The following PARL variants were observed in gnomAD, a reference collection of about 807,000 sequenced individuals.
PARL encodes the protein presenilin associated rhomboid like, also known as presenilin-associated rhomboid-like protein, mitochondrial.
In PARL, 44 loss-of-function variants were observed where a neutral mutation model predicts 51.6. The observed-to-expected ratio is 0.85, with a 90% CI of 0.67 to 1.10. The LOEUF (loss-of-function observed/expected upper bound fraction) is 1.10, where lower values mean the gene tolerates loss of function less well. PARL is among the 50% of genes least tolerant of loss of function. The pLI is 0.00. For missense variants in PARL, 441 were observed against 469.5 expected (o/e 0.94, Z 0.56); for synonymous variants, 172 against 164.0 (o/e 1.05, Z -0.37).
Position 183,864,237 on chromosome 3 carries a change from T to C in PARL, c.463-1436A>G, listed in dbSNP as rs142359786. Among the ~76,000 whole-genome samples, 403 of 152,314 alleles carry C rather than the reference T, an allele frequency of 2.6e-3. 1 individual carries two copies. Among genetic ancestry groups the C allele is most frequent in the African/African-American group, 9.4e-3 (391 of 41,562 alleles). On this transcript the variant is annotated intron_variant, in intron 3 of 9. Transcript: ENST00000317096. ...GGAAAACAAGGAGGAATGAATCCCT[T>C]TCCCTACTTAGAGAAAACTCAAAAC...
chr3:183,828,971 A>G (rs1727617117), downstream of PARL, among the ~76,000 whole-genome samples: 1 of 152,216 alleles, frequency 6.6e-6, no homozygotes, highest in African/African-American at 2.4e-5. Flanking sequence ...TTCAAACAGA[A>G]GATAAAATTC....
intron 1 of PARL, among the ~76,000 whole-genome samples, 157 bp from the exon 2 acceptor site, chr3:183,868,217 C>T (rs3749446): frequency 0.7 from 106,546 of 152,030 alleles, 37,707 homozygotes; most frequent in East Asian, 0.88. Context: ...GAATTCAAAG[C>T]CACAAAATTC....
At chr3:183,837,257 A>T (rs1300169862) in intron 7 of PARL, among the ~76,000 whole-genome samples, 3 of 152,112 alleles carry the variant, frequency 2.0e-5, no homozygotes, top group Non-Finnish European at 4.4e-5. Flanking sequence ...AGATTCAATC[A>T]ATGTTGTGGT....
At chr3:183,868,520 C>T (rs111957333) in intron 1 of PARL, among the ~76,000 whole-genome samples, 1,699 of 152,262 alleles carry the variant, frequency 0.011, 41 homozygotes, top group African/African-American at 0.039. Context: ...AAGCGATCCT[C>T]CTGCCTCAGC....
downstream of PARL, chr3:183,826,731 T>C: frequency 4.1e-6 from 4 of 985,298 alleles, no homozygotes; most frequent in Non-Finnish European, 4.8e-6. Context: ...TAGAGGGAGA[T>C]CCTGGAAAAT....
intron 9 of PARL, among the ~76,000 whole-genome samples, chr3:183,831,836 TGAAAA>T (rs1727975498): frequency 6.6e-6 from 1 of 152,142 alleles, no homozygotes; most frequent in South Asian, 2.1e-4. Flanking sequence ...ATCTAGTAAA[TGAAAA>T]GGAGTTTAAA....
intron 4 of PARL, among the ~76,000 whole-genome samples, chr3:183,855,971 C>A (rs9840342): frequency 0.46 from 66,963 of 144,658 alleles, 15,492 homozygotes; most frequent in Middle Eastern, 0.57. Flanking sequence ...AATAAACAAA[C>A]AAAAAAAAAA....
At chr3:183,860,255 A>T (rs1577347509) in intron 4 of PARL, among the ~76,000 whole-genome samples, 1 of 152,214 alleles carries the variant, frequency 6.6e-6, no homozygotes, top group African/African-American at 2.4e-5. Context: ...AAGACAAGAC[A>T]TACTAAATAA....
intron 3 of PARL, among the ~76,000 whole-genome samples, chr3:183,863,366 GA>G (rs1468701007): frequency 6.6e-6 from 1 of 151,418 alleles, no homozygotes; most frequent in Non-Finnish European, 1.5e-5. Context: ...AAAGGGAAGG[GA>G]AAAAAAGGGA....
chr3:183,835,819 A>G (rs1728507902), intron 7 of PARL, among the ~76,000 whole-genome samples: 1 of 150,360 alleles, frequency 6.7e-6, no homozygotes, highest in Admixed American at 6.6e-5. Context: ...TGGGCGACAG[A>G]GTGACACTTT....
At chr3:183,861,793 G>GT (rs1251109502) in intron 4 of PARL, among the ~76,000 whole-genome samples, 7 of 151,924 alleles carry the variant, frequency 4.6e-5, no homozygotes, top group African/African-American at 1.4e-4. Flanking sequence ...AAATTTTTTT[G>GT]TTTTTGAGAG....
intron 1 of PARL, among the ~76,000 whole-genome samples, chr3:183,877,985 TTCA>T (rs1280677922): frequency 1.3e-5 from 2 of 152,036 alleles, no homozygotes; most frequent in African/African-American, 4.8e-5. Context: ...GAGATGGGGT[TTCA>T]TCATATTGGT....
rs1727664133 is a variant in PARL, at chr3:183,829,501, T to C, written c.*97A>G. 7 of 1,612,568 alleles carry C rather than the reference T, an allele frequency of 4.3e-6. No homozygotes were observed. The South Asian group carries it at 5.5e-5, about 13-fold the overall frequency. ...CAGTGGGAGGCCAGATGCTGGCATC[T>C]TCCAGACGGGAGCATAGCCATGGTC... On this transcript the variant is annotated 3_prime_UTR_variant, in exon 10 of 10. Transcript: ENST00000317096.
At chr3:183,880,915 A>G (rs532055395) in intron 1 of PARL, among the ~76,000 whole-genome samples, 86 of 152,132 alleles carry the variant, frequency 5.7e-4, no homozygotes, top group Non-Finnish European at 1.0e-3. Flanking sequence ...TTCCGGCCTC[A>G]AGCAATCCTC....
intron 1 of PARL, among the ~76,000 whole-genome samples, chr3:183,880,648 C>T (rs1734336832): frequency 6.6e-6 from 1 of 151,864 alleles, no homozygotes; most frequent in Non-Finnish European, 1.5e-5. Flanking sequence ...GTGATCCACC[C>T]ACCTCAGCCT....
At chr3:183,842,174 A>G in intron 6 of PARL, 124 bp downstream of exon 6, 1 of 995,078 alleles carries the variant, frequency 1.0e-6, no homozygotes, top group Non-Finnish European at 1.6e-6. Flanking sequence ...ATACACTGTG[A>G]GAAACAAATA....
Position 183,842,456 on chromosome 3 carries a change from G to A in PARL, c.608-9C>T. 1 of 1,610,876 alleles carries A rather than the reference G, an allele frequency of 6.2e-7. No homozygotes were observed. Among genetic ancestry groups the A allele is most frequent in the Non-Finnish European group, 8.5e-7 (1 of 1,177,510 alleles). ...TGGAGAACAAAGGACCTCTACAAGA[G>A]AGAGAAACATAGTCTGGTAATCATG... On this transcript the variant is annotated splice_polypyrimidine_tract_variant and intron_variant, in intron 5 of 9. Coordinates refer to ENST00000317096, the MANE Select transcript of PARL (RefSeq NM_018622.7).
At position 183,867,850 on chromosome 3, in the gene PARL, A is replaced by C; in HGVS notation, c.321+15T>G. 6.3e-7 allele frequency: 1 copy of C among 1,591,652 alleles called. No individual in the cohort carries two copies. The highest frequency in any genetic ancestry group is 8.6e-7 in the Non-Finnish European group (1 of 1,161,102). ...TCTAGCAAGGTAGGTAACTCCTAGCAAAGTGAGCTCTTACCCCAACAGTAA... is the reference window on the plus strand; with the variant it reads ...TCTAGCAAGGTAGGTAACTCCTAGCCAAGTGAGCTCTTACCCCAACAGTAA... On this transcript the variant is annotated intron_variant, in intron 2 of 9. Coordinates refer to ENST00000317096, the MANE Select transcript of PARL (RefSeq NM_018622.7).
chr3:183,878,336 G>A (rs866405950), intron 1 of PARL, among the ~76,000 whole-genome samples: 2 of 152,268 alleles, frequency 1.3e-5, no homozygotes, highest in African/African-American at 4.8e-5. Context: ...ACATGCTACC[G>A]ATCAAACTAA....
Sources: gnomAD v4.1 joint callset for allele counts (sites outside exome capture counted in the v4.1 genomes callset) on GRCh38, gnomAD v4.1.1 for gene constraint, MANE v1.5 for transcripts, NCBI Gene and HGNC (gene_info 2026-07-23, HGNC 2026-07-21) for gene names.